Variants in CDH4 observed in about 807,000 individuals in gnomAD.
CDH4 encodes cadherin-4.
A neutral mutation model predicts 86.0 loss-of-function variants in CDH4; 33 were observed. The ratio of observed to expected loss-of-function variants is 0.38; its 90% confidence interval spans 0.29 to 0.51. The LOEUF (loss-of-function observed/expected upper bound fraction) is 0.51. Among genes scored for constraint, CDH4 ranks in the 20% least tolerant of loss-of-function variants. The pLI, the probability that CDH4 is intolerant of heterozygous loss-of-function variation, is 0.86. For synonymous variants in CDH4, 555 were observed against 549.4 expected, an observed-to-expected ratio of 1.01 and a Z score of -0.14; for missense variants, 1,114 against 1,307.4, an observed-to-expected ratio of 0.85 and a Z score of 2.28.
intron 2 of CDH4, among the ~76,000 whole-genome samples, chr20:61,592,770 A>G (rs138339662): frequency 3.9e-5 from 6 of 152,278 alleles, no homozygotes; most frequent in South Asian, 2.1e-4. Context: ...GTCATGGTTC[A>G]TGTGTCCAGT....
intron 7 of CDH4, among the ~76,000 whole-genome samples, chr20:61,882,081 G>A (rs568234155): frequency 4.7e-4 from 72 of 152,302 alleles, no homozygotes; most frequent in Non-Finnish European, 4.9e-4. Context: ...GACCCTGCCC[G>A]CGCCTCCACC....
In CDH4 at chr20:61,879,600, A is replaced by G. The variant is rs186733579; in HGVS notation, c.1050+5700A>G. Among the ~76,000 whole-genome samples the G allele has an allele frequency of 6.6e-6, 1 of 152,244 alleles. No homozygotes were observed. Among genetic ancestry groups the G allele is most frequent in the African/African-American group, 2.4e-5 (1 of 41,550 alleles). On this transcript the variant is annotated intron_variant, in intron 7 of 15. Coordinates refer to ENST00000614565, the MANE Select transcript of CDH4 (RefSeq NM_001794.5). This position sits in a 1 kb window ranked among gnomAD's most constrained non-coding sequence, Gnocchi z 4.1. ...TCAGGAGAGGCTTCGATAAGACCTG[A>G]GCGGTTCAAGTGTCTCTCGTGTACC...
At chr20:61,273,529 A>T (rs143939675) in intron 2 of CDH4, among the ~76,000 whole-genome samples, 63 of 1,010 alleles carry the variant, frequency 0.062, no homozygotes, top group Middle Eastern at 0.5. Context: ...TGTGCAGTTT[A>T]GGGGAGTACC....
At chr20:61,928,757 C>T (rs766825550) in intron 12 of CDH4, among the ~76,000 whole-genome samples, 1 of 152,222 alleles carries the variant, frequency 6.6e-6, no homozygotes, top group Non-Finnish European at 1.5e-5. Flanking sequence ...TAGAATACTT[C>T]CCTGGATGCA....
At chr20:61,653,795 G>C (rs898224633) in intron 2 of CDH4, among the ~76,000 whole-genome samples, 3 of 117,242 alleles carry the variant, frequency 2.6e-5, no homozygotes, top group Admixed American at 2.5e-4. Flanking sequence ...TGGGCGGCCG[G>C]GCAGAGACGC....
At chr20:61,656,105 G>A (rs891024383) in intron 2 of CDH4, among the ~76,000 whole-genome samples, 1 of 152,230 alleles carries the variant, frequency 6.6e-6, no homozygotes, top group Non-Finnish European at 1.5e-5. Context: ...GAAGGTGGTT[G>A]AAGACTGGCT....
chr20:61,831,151 TCCCTGGTAG>T (rs1363430819), intron 4 of CDH4, among the ~76,000 whole-genome samples: 1 of 152,212 alleles, frequency 6.6e-6, no homozygotes, highest in Non-Finnish European at 1.5e-5. Context: ...TGGCGTTATG[TCCCTGGTAG>T]ACCAGGCGGC....
intron 2 of CDH4, among the ~76,000 whole-genome samples, chr20:61,634,681 C>T (rs1375893127): frequency 1.3e-5 from 2 of 152,186 alleles, no homozygotes; most frequent in Non-Finnish European, 2.9e-5. Context: ...TTAACATAAG[C>T]GTTCGTTTTA....
chr20:61,775,703 G>A (rs932003502), intron 4 of CDH4, among the ~76,000 whole-genome samples: 2 of 152,200 alleles, frequency 1.3e-5, no homozygotes, highest in African/African-American at 4.8e-5. Context: ...TATTTGTGGA[G>A]TGAGTGAGCA....
intron 2 of CDH4, among the ~76,000 whole-genome samples, chr20:61,418,209 C>CTTTTT (rs11475784): frequency 7.4e-6 from 1 of 134,736 alleles, no homozygotes; most frequent in South Asian, 2.3e-4. Flanking sequence ...TCTTTTTTTT[C>CTTTTT]TTTTTTTTTT....
intron 2 of CDH4, among the ~76,000 whole-genome samples, chr20:61,651,213 G>A (rs144172445): frequency 0.024 from 3,587 of 152,224 alleles, 144 homozygotes; most frequent in African/African-American, 0.081. Context: ...ATGCTTGGCC[G>A]TGCACTGGTG....
chr20:61,528,325 C>T (rs1234786506), intron 2 of CDH4, among the ~76,000 whole-genome samples: 1 of 145,416 alleles, frequency 6.9e-6, no homozygotes, highest in East Asian at 2.0e-4. Context: ...TGCAGTGAGC[C>T]GAGATCATGC....
Position 61,516,841 on chromosome 20 carries a change from C to T in CDH4, c.170-226722C>T, listed in dbSNP as rs2085825219. Among the ~76,000 whole-genome samples the T allele has an allele frequency of 6.6e-6, 1 of 152,222 alleles. No homozygotes were observed. Among genetic ancestry groups the T allele is most frequent in the Admixed American group, 6.5e-5 (1 of 15,290 alleles). ...CCTGGGCTCGCTGTCCACACAGCCC[C>T]TGCTCCCCTACTCCCTGGCTCCTCG... On this transcript the variant is annotated intron_variant, in intron 2 of 15. Coordinates refer to ENST00000614565, the MANE Select transcript of CDH4 (RefSeq NM_001794.5). The surrounding 1 kb of genome is among the most constrained non-coding windows in gnomAD (Gnocchi z 4.0).
chr20:61,625,897 C>T (rs891914797), intron 2 of CDH4, among the ~76,000 whole-genome samples: 3 of 152,246 alleles, frequency 2.0e-5, no homozygotes, highest in Non-Finnish European at 4.4e-5. Flanking sequence ...GTTTTCCATT[C>T]GCACATCATG....
At chr20:61,276,734 C>T (rs774443197) in intron 2 of CDH4, among the ~76,000 whole-genome samples, 2 of 152,166 alleles carry the variant, frequency 1.3e-5, no homozygotes, top group Non-Finnish European at 2.9e-5. Flanking sequence ...CACTGTGGCT[C>T]TAAGAACTCC....
rs1353887398 is a variant in CDH4, at chr20:61,258,340, A to AAAAAAAG, written c.169+3408_169+3409insAGAAAAA. On this transcript the variant is annotated intron_variant, in intron 2 of 15. Transcript: ENST00000614565. The stretch of plus-strand genomic sequence containing the variant: ...ACGAGACTCCGTCTCAAAAAAAAAA[A>AAAAAAAG]AAAAAGAAAAAAAAAAAAGAAAGAG... Among the ~76,000 whole-genome samples, 53 of 121,860 alleles carry AAAAAAAG rather than the reference A, an allele frequency of 4.3e-4. 1 individual carries two copies. The highest frequency in any genetic ancestry group is 1.8e-3 in the East Asian group (9 of 4,914). 79.9% of individuals were successfully genotyped at this position (121,860 alleles called of 152,430 possible).
At position 61,657,058 on chromosome 20, in the gene CDH4, C is replaced by T. The variant is rs73148347; in HGVS notation, c.170-86505C>T. 6.3e-3 allele frequency among the ~76,000 whole-genome samples: 965 copies of T among 152,346 alleles called. 4 individuals carry two copies. Among genetic ancestry groups the T allele is most frequent in the Middle Eastern group, 0.014 (4 of 294 alleles). The stretch of plus-strand genomic sequence containing the variant: ...GTCTAGAGCCATTCTTGGGCCAGAG[C>T]AGACGCCTGGCAATATTTGAGCAAA... On this transcript the variant is annotated intron_variant, in intron 2 of 15. Coordinates refer to ENST00000614565, the MANE Select transcript of CDH4 (RefSeq NM_001794.5).
chr20:61,489,166 G>T (rs1320220077), intron 2 of CDH4, among the ~76,000 whole-genome samples: 2 of 152,116 alleles, frequency 1.3e-5, no homozygotes, highest in Non-Finnish European at 2.9e-5. Flanking sequence ...ACTGAGAAGA[G>T]AGCTTTGCAT....
chr20:61,338,697 G>T (rs117145669), intron 2 of CDH4, among the ~76,000 whole-genome samples: 7,219 of 152,192 alleles, frequency 0.047, 218 homozygotes, highest in Middle Eastern at 0.082. Context: ...CCAATGCAGA[G>T]ATTTAAATTA....
Sources: allele counts gnomAD v4.1 joint callset (sites outside exome capture counted in the v4.1 genomes callset), GRCh38; gene constraint gnomAD v4.1.1; non-coding constraint Gnocchi (gnomAD v3.1); transcripts MANE v1.5; gene names NCBI Gene and HGNC (gene_info 2026-07-23, HGNC 2026-07-21).